MED27: variants seen among roughly 807,000 people sequenced by gnomAD.
MED27 encodes mediator complex subunit 27.
MED27 carries 30 observed loss-of-function variants against 38.2 expected under a neutral mutation model. The ratio of observed to expected loss-of-function variants is 0.79; its 90% CI spans 0.59 to 1.07. MED27 has a LOEUF of 1.07. Ranked by LOEUF, MED27 falls within the 50% of genes least tolerant of loss-of-function variation. MED27 has a pLI of 0.00. For synonymous variants in MED27, 122 were observed against 153.5 expected (o/e 0.79, Z 1.52); for missense variants, 289 against 397.5 (o/e 0.73, Z 2.32).
At chr9:131,945,114 T>C (rs905024092) in intron 3 of MED27, among the ~76,000 whole-genome samples, 9 of 147,016 alleles carry the variant, frequency 6.1e-5, no homozygotes, top group Middle Eastern at 3.3e-3. Flanking sequence ...TATTTATATA[T>C]AAATATATAA....
rs1174797795 is a variant in MED27, at chr9:131,913,119, C to T, written c.574-19127G>A. On this transcript the variant is annotated intron_variant, in intron 4 of 7. Coordinates refer to ENST00000292035, the MANE Select transcript of MED27 (RefSeq NM_004269.4). This position sits in a 1 kb window ranked among gnomAD's most constrained non-coding sequence, Gnocchi z 4.5. ...GAAAGTCAGAAGTATTTTCAGAAAG[C>T]ACTGCCTACCAAAATTACATTTGAT... is the stretch of plus-strand genomic sequence containing the variant. Among the ~76,000 whole-genome samples the T allele has an allele frequency of 6.6e-6, 1 of 152,232 alleles. No homozygotes were observed. The highest frequency in any genetic ancestry group is 1.5e-5 in the Non-Finnish European group (1 of 68,046).
At chr9:132,016,824 T>C (rs1832612941) in intron 2 of MED27, among the ~76,000 whole-genome samples, 1 of 152,206 alleles carries the variant, frequency 6.6e-6, no homozygotes, top group South Asian at 2.1e-4. Context: ...CCACCCGGCA[T>C]CATTTTGATC....
intron 6 of MED27, chr9:131,868,659 T>C: frequency 2.0e-6 from 2 of 985,476 alleles, no homozygotes; most frequent in Non-Finnish European, 2.4e-6. Flanking sequence ...AGGGCAGCAG[T>C]GTGGGAGCCC....
At position 132,070,325 on chromosome 9, in the gene MED27, G is replaced by A. The variant is rs147124446; in HGVS notation, c.348+7117C>T. On this transcript the variant is annotated intron_variant, in intron 2 of 7. Coordinates refer to ENST00000292035, the MANE Select transcript of MED27 (RefSeq NM_004269.4). ...AATCCCAGCACTTTGGGAGGCCAAG[G>A]CTGGAGGATGGCTTGAACCTAGGAG... 7.2e-5 allele frequency among the ~76,000 whole-genome samples: 11 copies of A among 152,346 alleles called. No individual in the cohort carries two copies. The East Asian group carries it at 2.1e-3, about 29-fold the overall frequency.
At chr9:132,015,338 C>T (rs1013646564) in intron 2 of MED27, among the ~76,000 whole-genome samples, 1 of 152,202 alleles carries the variant, frequency 6.6e-6, no homozygotes, top group Non-Finnish European at 1.5e-5. Flanking sequence ...CTGGTGCCAG[C>T]ATCCCTTACT....
At chr9:131,868,167 C>T (rs902392004) in intron 6 of MED27, among the ~76,000 whole-genome samples, 56 of 152,242 alleles carry the variant, frequency 3.7e-4, no homozygotes, top group African/African-American at 1.3e-3. Context: ...AAAGATCCAT[C>T]GGATATTTTA....
chr9:131,982,680 AGAGGTGGTCC>A lies in MED27; in HGVS notation c.479+31647_479+31656del, dbSNP rs1220212586. ...ATTTGAACCCAGTCGGTGGGACACT[AGAGGTGGTCC>A]TCTAAATTGGGGACCAACAAACATC... is the stretch of plus-strand genomic sequence containing the variant. On this transcript the variant is annotated intron_variant, in intron 3 of 7. Coordinates refer to ENST00000292035, the MANE Select transcript of MED27 (RefSeq NM_004269.4). The surrounding 1 kb of genome is among the most constrained non-coding windows in gnomAD (Gnocchi z 4.3). Among the ~76,000 whole-genome samples, 1 of 152,202 alleles carries A rather than the reference AGAGGTGGTCC, an allele frequency of 6.6e-6. No individual in the cohort carries two copies. The highest frequency in any genetic ancestry group is 1.5e-5 in the Non-Finnish European group (1 of 68,034).
At chr9:132,075,668 C>T (rs374493933) in intron 2 of MED27, among the ~76,000 whole-genome samples, 8 of 152,242 alleles carry the variant, frequency 5.3e-5, no homozygotes, top group South Asian at 4.1e-4. Flanking sequence ...GTCATTTCCA[C>T]GAAGTGTCCC....
chr9:132,075,222 T>C (rs1361336130), intron 2 of MED27, among the ~76,000 whole-genome samples: 1 of 152,190 alleles, frequency 6.6e-6, no homozygotes, highest in Non-Finnish European at 1.5e-5. Flanking sequence ...GAAAGAACAT[T>C]GAACCAGGTC....
At chr9:132,030,627 CAT>C (rs1832938458) in intron 2 of MED27, among the ~76,000 whole-genome samples, 1 of 152,146 alleles carries the variant, frequency 6.6e-6, no homozygotes, top group Non-Finnish European at 1.5e-5. Flanking sequence ...TTCTTAGAAT[CAT>C]GTGATGAAAA....
intron 4 of MED27, among the ~76,000 whole-genome samples, chr9:131,894,640 A>G (rs1829796077): frequency 6.6e-6 from 1 of 152,156 alleles, no homozygotes; most frequent in African/African-American, 2.4e-5. Context: ...AAATCCTAAA[A>G]AAAGTGCAGT....
chr9:131,908,747 C>T (rs1321838405), intron 4 of MED27, among the ~76,000 whole-genome samples: 3 of 152,068 alleles, frequency 2.0e-5, no homozygotes, highest in Non-Finnish European at 4.4e-5. Context: ...TGCGGAAGGC[C>T]GCAGGGTCCT....
intron 5 of MED27, among the ~76,000 whole-genome samples, chr9:131,892,007 C>CT (rs1313349903): frequency 6.6e-6 from 1 of 152,092 alleles, no homozygotes; most frequent in African/African-American, 2.4e-5. Context: ...AGGAGGGAAA[C>CT]TGAGTGTAGG....
rs76016469 is a variant in MED27 at position 131,947,933 on chromosome 9, T to C, written c.480-8459A>G. On this transcript the variant is annotated intron_variant, in intron 3 of 7. Coordinates refer to ENST00000292035, the MANE Select transcript of MED27 (RefSeq NM_004269.4). ...AATCATTTGCATGATCTGAAAATGATTTAAGATTTTCCTCTACACCTGTCC... is the reference window on the plus strand; with the variant it reads ...AATCATTTGCATGATCTGAAAATGACTTAAGATTTTCCTCTACACCTGTCC... Among the ~76,000 whole-genome samples, 14 of 152,318 alleles carry C rather than the reference T, an allele frequency of 9.2e-5. No individual in the cohort carries two copies. In the East Asian group the frequency reaches 2.7e-3, roughly 29 times the overall value.
At chr9:132,062,425 C>G (rs954475404) in intron 2 of MED27, among the ~76,000 whole-genome samples, 8 of 152,148 alleles carry the variant, frequency 5.3e-5, no homozygotes, top group Non-Finnish European at 8.8e-5. Context: ...ATTCGCCATG[C>G]ATAAAGTGAG....
At chr9:132,077,757 A>C (rs889822876) in intron 1 of MED27, among the ~76,000 whole-genome samples, 171 bp from the exon 2 acceptor site, 1 of 152,190 alleles carries the variant, frequency 6.6e-6, no homozygotes, top group African/African-American at 2.4e-5. Flanking sequence ...AAAAAACCCT[A>C]AATGAGAGTT....
At chr9:131,926,941 C>T (rs1025098384) in intron 4 of MED27, among the ~76,000 whole-genome samples, 1 of 152,076 alleles carries the variant, frequency 6.6e-6, no homozygotes, top group African/African-American at 2.4e-5. Flanking sequence ...TTACATTTTT[C>T]TACCTAATAG....
At chr9:131,867,136 C>T (rs1323670678) in intron 6 of MED27, among the ~76,000 whole-genome samples, 1 of 152,200 alleles carries the variant, frequency 6.6e-6, no homozygotes, top group East Asian at 1.9e-4. Flanking sequence ...AGTCTAGTGC[C>T]TGATGCAGAG....
intron 2 of MED27, among the ~76,000 whole-genome samples, chr9:132,053,012 G>C (rs1367248072): frequency 1.3e-5 from 2 of 152,166 alleles, no homozygotes; most frequent in South Asian, 2.1e-4. Flanking sequence ...CCAGCACTTT[G>C]GGAGGCCGAG....
Sources: allele counts gnomAD v4.1 joint callset (sites outside exome capture counted in the v4.1 genomes callset), GRCh38; gene constraint gnomAD v4.1.1; non-coding constraint Gnocchi (gnomAD v3.1); transcripts MANE v1.5; gene names NCBI Gene and HGNC (gene_info 2026-07-23, HGNC 2026-07-21).